TAFA4: variants seen among roughly 807,000 people sequenced by gnomAD.
TAFA4 encodes the protein chemokine-like protein TAFA-4.
A neutral mutation model predicts 21.1 loss-of-function variants in TAFA4; 20 were observed. That is an observed-to-expected ratio of 0.95 (90% CI 0.67 to 1.38). TAFA4 has a LOEUF of 1.38. Among genes scored for constraint, TAFA4 ranks in the 40% most tolerant of loss-of-function variants. TAFA4 has a pLI of 0.00. For missense variants in TAFA4, 211 were observed against 180.9 expected, an observed-to-expected ratio of 1.17 and a Z score of -0.95; for synonymous variants, 71 against 67.4, an observed-to-expected ratio of 1.05 and a Z score of -0.26.
chr3:68,747,292 C>T (rs1399659738), intron 4 of TAFA4, among the ~76,000 whole-genome samples: 1 of 152,090 alleles, frequency 6.6e-6, no homozygotes, highest in Admixed American at 6.5e-5. Flanking sequence ...TTTGGCTCTG[C>T]CCCTACCCAA....
chr3:68,757,786 A>C (rs1320953060), intron 3 of TAFA4, among the ~76,000 whole-genome samples: 1 of 152,194 alleles, frequency 6.6e-6, no homozygotes. Context: ...CTAACACATC[A>C]GGAGGTGACA....
At chr3:68,911,714 A>G (rs1203553490) in intron 1 of TAFA4, among the ~76,000 whole-genome samples, 4 of 152,182 alleles carry the variant, frequency 2.6e-5, no homozygotes, top group African/African-American at 9.7e-5. Context: ...ATAAGGAGGG[A>G]AAACTGCTTA....
In TAFA4 at chr3:68,737,141, C is replaced by A. The variant is rs187696110; in HGVS notation, c.411+1934G>T. ...TTATATTTATATATAAAAATCAATA[C>A]AAATATAATCTTCCAAAATATTATT... On this transcript the variant is annotated intron_variant, in intron 5 of 5. Coordinates refer to ENST00000295569, the MANE Select transcript of TAFA4 (RefSeq NM_182522.5). 1.3e-3 allele frequency among the ~76,000 whole-genome samples: 193 copies of A among 152,192 alleles called. 2 individuals are homozygous for A. Among genetic ancestry groups the A allele is most frequent in the Non-Finnish European group, 1.9e-3 (126 of 67,998 alleles).
intron 3 of TAFA4, among the ~76,000 whole-genome samples, chr3:68,803,446 T>C (rs954455765): frequency 2.0e-5 from 3 of 152,134 alleles, no homozygotes; most frequent in African/African-American, 7.2e-5. Flanking sequence ...GCTGTGTTTA[T>C]GTGGCCTTGC....
chr3:68,861,294 A>C (rs2089341324), intron 3 of TAFA4, among the ~76,000 whole-genome samples: 1 of 151,920 alleles, frequency 6.6e-6, no homozygotes, highest in South Asian at 2.1e-4. Context: ...TACATCCTTC[A>C]CTACCAAAAA....
rs1702582330 is a variant in TAFA4, at chr3:68,752,890, T to C, written c.259A>G (p.Thr87Ala). The change falls in exon 4 of 6, where the codon ACT becomes GCT. Residue 87 changes from threonine to alanine, a missense_variant. Physicochemically the swap from Thr to Ala is moderately conservative, Grantham distance 58. Coordinates refer to ENST00000295569, the MANE Select transcript of TAFA4 (RefSeq NM_182522.5). ...TCAACACAAGAAGGTTGAGCCCGAG[T>C]TGTGCCCGCCACCTGTCCCGGGAAG... ...SCFPGQVAGT[T>A]RAQPSCVEAS... The C allele has an allele frequency of 2.5e-6, 4 of 1,613,894 alleles. No homozygotes were observed. The highest frequency in any genetic ancestry group is 3.4e-6 in the Non-Finnish European group (4 of 1,180,012).
chr3:68,829,278 G>A (rs1447775920), intron 3 of TAFA4, among the ~76,000 whole-genome samples: 1 of 152,040 alleles, frequency 6.6e-6, no homozygotes, highest in Admixed American at 6.5e-5. Context: ...TGACAAACCT[G>A]ACAAAAAACA....
chr3:68,878,132 C>T (rs1036259032), intron 3 of TAFA4, among the ~76,000 whole-genome samples: 2 of 152,104 alleles, frequency 1.3e-5, no homozygotes, highest in African/African-American at 4.8e-5. Flanking sequence ...TTTATGCCAA[C>T]AGATTTTATT....
At chr3:68,859,822 A>G (rs367822292) in intron 3 of TAFA4, among the ~76,000 whole-genome samples, 1 of 152,128 alleles carries the variant, frequency 6.6e-6, no homozygotes, top group East Asian at 1.9e-4. Context: ...ATATCCACCA[A>G]TTGCACGCCT....
intron 3 of TAFA4, among the ~76,000 whole-genome samples, chr3:68,792,830 C>G (rs1703387917): frequency 6.6e-6 from 1 of 152,160 alleles, no homozygotes; most frequent in South Asian, 2.1e-4. Flanking sequence ...AACTTTGCTT[C>G]CATTCCTAAT....
At chr3:68,886,213 G>A (rs552607531) in intron 1 of TAFA4, among the ~76,000 whole-genome samples, 34 of 152,318 alleles carry the variant, frequency 2.2e-4, no homozygotes, top group Middle Eastern at 6.8e-3. Flanking sequence ...ATAACCCAAA[G>A]ATAATTCCAC....
intron 3 of TAFA4, among the ~76,000 whole-genome samples, chr3:68,772,850 GTCAATCCATCCATCCATCCA>G (rs1702983639): frequency 6.6e-6 from 1 of 151,900 alleles, no homozygotes; most frequent in Non-Finnish European, 1.5e-5. Flanking sequence ...CCATCCATCC[GTCAATCCATCCATCCATCCA>G]TCCATTCACT....
chr3:68,833,026 A>C (rs1704437248), intron 3 of TAFA4, among the ~76,000 whole-genome samples: 1 of 152,242 alleles, frequency 6.6e-6, no homozygotes, highest in Non-Finnish European at 1.5e-5. Context: ...CACAGGAGGG[A>C]ACCTCCTGGT....
chr3:68,738,480 G>T (rs1702284889), intron 5 of TAFA4, among the ~76,000 whole-genome samples: 2 of 152,166 alleles, frequency 1.3e-5, no homozygotes, highest in Admixed American at 1.3e-4. Flanking sequence ...TGGCAGATTG[G>T]ACAAGAGGAG....
chr3:68,928,986 T>TAA (rs5849870), intron 1 of TAFA4, among the ~76,000 whole-genome samples: 1,498 of 147,270 alleles, frequency 0.01, 12 homozygotes, highest in South Asian at 0.015. Context: ...TAAGTTTATT[T>TAA]AAAAAAAAAA....
chr3:68,840,236 C>A (rs1704629123), intron 3 of TAFA4, among the ~76,000 whole-genome samples: 1 of 152,164 alleles, frequency 6.6e-6, no homozygotes. Context: ...ATGACAAGGT[C>A]TCACATTGCT....
intron 1 of TAFA4, among the ~76,000 whole-genome samples, chr3:68,911,908 C>G (rs1248514088): frequency 6.6e-6 from 1 of 152,258 alleles, no homozygotes; most frequent in African/African-American, 2.4e-5. Context: ...TCAGCCCAAG[C>G]GCTGGGAAAT....
intron 1 of TAFA4, among the ~76,000 whole-genome samples, chr3:68,896,512 G>A (rs1318047129): frequency 6.6e-6 from 1 of 152,190 alleles, no homozygotes; most frequent in Non-Finnish European, 1.5e-5. Flanking sequence ...TGAGCAAAAT[G>A]TTATTACCAG....
chr3:68,839,942 GAC>G (rs1210835493), intron 3 of TAFA4, among the ~76,000 whole-genome samples: 1 of 152,210 alleles, frequency 6.6e-6, no homozygotes, highest in Non-Finnish European at 1.5e-5. Context: ...ACTAGCCACA[GAC>G]AGATTTAATA....
Sources: gnomAD v4.1 joint callset for allele counts (sites outside exome capture counted in the v4.1 genomes callset) on GRCh38, gnomAD v4.1.1 for gene constraint, MANE v1.5 for transcripts, NCBI Gene and HGNC (gene_info 2026-07-23, HGNC 2026-07-21) for gene names.